The following ROBO1 variants were observed in gnomAD, a reference collection of about 807,000 sequenced individuals.
The protein encoded by ROBO1 is roundabout homolog 1.
In ROBO1, 149 loss-of-function variants were observed where a neutral mutation model predicts 195.9. The observed-to-expected ratio is 0.76, with a 90% CI of 0.67 to 0.87. ROBO1 has a LOEUF of 0.87. Ranked by LOEUF, ROBO1 falls within the 40% of genes least tolerant of loss-of-function variation. The pLI is 0.00. For missense variants in ROBO1, 1,933 were observed against 2,068.3 expected (o/e 0.93, Z 1.27); for synonymous variants, 816 against 733.2 (o/e 1.11, Z -1.82).
chr3:79,627,878 C>G (rs568739601), intron 1 of ROBO1, among the ~76,000 whole-genome samples: 2 of 152,012 alleles, frequency 1.3e-5, no homozygotes, highest in Non-Finnish European at 2.9e-5. Context: ...ACGTGGCCAA[C>G]AAACATATGA....
chr3:79,076,243 T>A (rs913620384), intron 3 of ROBO1, among the ~76,000 whole-genome samples: 2 of 147,460 alleles, frequency 1.4e-5, no homozygotes, highest in South Asian at 2.1e-4. Context: ...TATATAAATA[T>A]AAGTATATAT....
Position 78,622,180 on chromosome 3 carries a change from C to A in ROBO1, c.3876-4139G>T, listed in dbSNP as rs558339616. 4.6e-5 allele frequency among the ~76,000 whole-genome samples: 7 copies of A among 152,016 alleles called. No individual in the cohort carries two copies. The East Asian group carries it at 1.4e-3, about 29-fold the overall frequency. On this transcript the variant is annotated intron_variant, in intron 26 of 30. Transcript: ENST00000464233. ...CCTATTATGTTGATCACCTAGTTTA[C>A]CCAGTTTTAGACAAAAATGGAATAC...
intron 4 of ROBO1, among the ~76,000 whole-genome samples, chr3:78,934,996 C>G (rs1437466295): frequency 6.6e-6 from 1 of 151,894 alleles, no homozygotes; most frequent in Admixed American, 6.6e-5. Context: ...TCTCATTTTA[C>G]CCACATGAGG....
In ROBO1 at chr3:79,318,200, A is replaced by G. The variant is rs373648797; in HGVS notation, c.89-192661T>C. 3.9e-5 allele frequency among the ~76,000 whole-genome samples: 6 copies of G among 152,190 alleles called. No individual in the cohort carries two copies. In the East Asian group the frequency reaches 1.2e-3, roughly 29 times the overall value. On this transcript the variant is annotated intron_variant, in intron 2 of 30. Transcript: ENST00000464233. ...TAATTAAGTAATGATTTAAACATTA[A>G]TCTCATCCAAATACTCTCACAGAAA...
chr3:78,738,358 T>A lies in ROBO1; in HGVS notation c.657+8385A>T, dbSNP rs184277524. Among the ~76,000 whole-genome samples, 450 of 152,320 alleles carry A rather than the reference T, an allele frequency of 3.0e-3. 2 individuals are homozygous for A. The highest frequency in any genetic ancestry group is 0.01 in the Middle Eastern group (3 of 294). On this transcript the variant is annotated intron_variant, in intron 5 of 30. Coordinates refer to ENST00000464233, the MANE Select transcript of ROBO1 (RefSeq NM_002941.4). ...ACTCCATTCTAATAATTTTACCTCG[T>A]CAGCATGGGAATGGGAAGCGTTAAA...
intron 2 of ROBO1, among the ~76,000 whole-genome samples, chr3:79,181,925 CAAAAAA>C (rs151309857): frequency 0.14 from 12,575 of 87,618 alleles, 913 homozygotes; most frequent in African/African-American, 0.28. Flanking sequence ...GATCTTGTGC[CAAAAAA>C]AAAAAAAAAA....
chr3:79,652,940 T>C (rs1946054304), intron 1 of ROBO1, among the ~76,000 whole-genome samples: 1 of 151,980 alleles, frequency 6.6e-6, no homozygotes, highest in Non-Finnish European at 1.5e-5. Context: ...GAATAAAGCT[T>C]ACCTCTTTGA....
intron 3 of ROBO1, among the ~76,000 whole-genome samples, chr3:79,092,392 G>A (rs1034763802): frequency 2.0e-5 from 3 of 151,970 alleles, no homozygotes; most frequent in African/African-American, 7.2e-5. Flanking sequence ...AGGCTATGCT[G>A]GTCTGTATTT....
chr3:79,417,151 A>G (rs2038038653), intron 2 of ROBO1, among the ~76,000 whole-genome samples: 1 of 152,092 alleles, frequency 6.6e-6, no homozygotes, highest in Non-Finnish European at 1.5e-5. Flanking sequence ...CTGAGATTCT[A>G]TTGAGAAGGG....
At chr3:79,262,195 C>T (rs1387789935) in intron 2 of ROBO1, among the ~76,000 whole-genome samples, 1 of 152,004 alleles carries the variant, frequency 6.6e-6, no homozygotes, top group Non-Finnish European at 1.5e-5. Context: ...AATAGTACGA[C>T]TTTTGAAGTT....
intron 2 of ROBO1, among the ~76,000 whole-genome samples, chr3:79,182,904 A>T (rs530507801): frequency 2.3e-4 from 35 of 151,918 alleles, no homozygotes; most frequent in African/African-American, 8.2e-4. Flanking sequence ...AACATGGTGA[A>T]ACCCTGTCTT....
At chr3:78,628,825 T>C (rs1307086949) in intron 25 of ROBO1, among the ~76,000 whole-genome samples, 1 of 152,142 alleles carries the variant, frequency 6.6e-6, no homozygotes, top group African/African-American at 2.4e-5. Context: ...CCCCAATTCA[T>C]TTCTATTCTG....
chr3:79,455,084 G>A (rs1283016098), intron 2 of ROBO1, among the ~76,000 whole-genome samples: 2 of 151,706 alleles, frequency 1.3e-5, no homozygotes, highest in African/African-American at 4.8e-5. Flanking sequence ...ATTGGTTAAA[G>A]TTATTAAAAA....
intron 4 of ROBO1, among the ~76,000 whole-genome samples, chr3:78,800,432 G>C (rs561633245): frequency 6.6e-6 from 1 of 152,256 alleles, no homozygotes; most frequent in East Asian, 1.9e-4. Context: ...GCAATGAAAA[G>C]GGACTCCCCA....
At chr3:79,264,107 T>C (rs1231210152) in intron 2 of ROBO1, among the ~76,000 whole-genome samples, 2 of 152,138 alleles carry the variant, frequency 1.3e-5, no homozygotes, top group South Asian at 2.1e-4. Flanking sequence ...ATGGCAAACA[T>C]CAGATGATGT....
intron 2 of ROBO1, among the ~76,000 whole-genome samples, chr3:79,135,956 T>G (rs2080400697): frequency 6.6e-6 from 1 of 152,212 alleles, no homozygotes; most frequent in Admixed American, 6.5e-5. Context: ...CAATCTTTTA[T>G]GAAAAACATT....
intron 5 of ROBO1, among the ~76,000 whole-genome samples, chr3:78,739,140 A>G (rs2082463028): frequency 6.6e-6 from 1 of 152,192 alleles, no homozygotes; most frequent in Non-Finnish European, 1.5e-5. Flanking sequence ...GTGTCTTTTA[A>G]GCTCTTCTTC....
intron 2 of ROBO1, among the ~76,000 whole-genome samples, chr3:79,474,381 T>C (rs1408575843): frequency 6.6e-6 from 1 of 152,170 alleles, no homozygotes; most frequent in Non-Finnish European, 1.5e-5. Context: ...TTTTCACTTT[T>C]ATTTTTTCTC....
chr3:79,029,454 T>A (rs2078256263), intron 3 of ROBO1, among the ~76,000 whole-genome samples: 1 of 152,168 alleles, frequency 6.6e-6, no homozygotes, highest in Admixed American at 6.6e-5. Context: ...TTTTAACTTA[T>A]ACTGGAATGT....
Sources: allele counts gnomAD v4.1 joint callset (sites outside exome capture counted in the v4.1 genomes callset), GRCh38; gene constraint gnomAD v4.1.1; transcripts MANE v1.5; gene names NCBI Gene and HGNC (gene_info 2026-07-23, HGNC 2026-07-21).